Variants in UBR3 observed in about 807,000 individuals in gnomAD.
The protein encoded by UBR3 is E3 ubiquitin-protein ligase UBR3.
UBR3 carries 85 observed loss-of-function variants against 243.2 expected under a neutral mutation model. That is an observed-to-expected ratio of 0.35 (90% CI 0.29 to 0.42). The LOEUF is 0.42. UBR3 is among the 10% of genes least tolerant of loss of function. UBR3 has a pLI of 1.00. For synonymous variants in UBR3, 748 were observed against 799.8 expected (o/e 0.94, Z 1.09); for missense variants, 1,686 against 2,300.8 (o/e 0.73, Z 5.47).
chr2:170,011,640 T>TG (rs1472519247), intron 29 of UBR3, among the ~76,000 whole-genome samples: 42 of 150,508 alleles, frequency 2.8e-4, no homozygotes, highest in Admixed American at 4.6e-4. Flanking sequence ...TTTTTTTTTT[T>TG]TTTGTAAGAC....
intron 32 of UBR3, among the ~76,000 whole-genome samples, chr2:170,054,278 C>T (rs1160542285): frequency 6.6e-6 from 1 of 151,192 alleles, no homozygotes; most frequent in Non-Finnish European, 1.5e-5. Flanking sequence ...TGTCACCACA[C>T]CCAGCTTTTT....
intron 1 of UBR3, among the ~76,000 whole-genome samples, chr2:169,856,165 G>A (rs1290174120): frequency 2.7e-5 from 4 of 149,006 alleles, no homozygotes; most frequent in Non-Finnish European, 6.0e-5. Context: ...GGGTGGCGGC[G>A]GGGCAGAGAC....
chr2:169,856,360 G>A (rs1574056618), intron 1 of UBR3, among the ~76,000 whole-genome samples: 1 of 151,958 alleles, frequency 6.6e-6, no homozygotes, highest in East Asian at 1.9e-4. Flanking sequence ...TGGGCAGCCG[G>A]GCAGAGGGGC....
chr2:169,937,206 G>A (rs907974120), intron 19 of UBR3, among the ~76,000 whole-genome samples: 2 of 152,178 alleles, frequency 1.3e-5, no homozygotes, highest in Non-Finnish European at 2.9e-5. Flanking sequence ...ATTCTAACTG[G>A]TGTGAGATGG....
intron 24 of UBR3, among the ~76,000 whole-genome samples, chr2:169,986,028 T>G (rs997671149): frequency 6.6e-5 from 10 of 152,148 alleles, no homozygotes; most frequent in Admixed American, 1.3e-4. Flanking sequence ...ATATTTTATT[T>G]TTTGCTATTA....
chr2:169,891,406 T>G (rs2084369399), intron 6 of UBR3, among the ~76,000 whole-genome samples, 175 bp downstream of exon 6: 1 of 152,144 alleles, frequency 6.6e-6, no homozygotes, highest in Non-Finnish European at 1.5e-5. Flanking sequence ...CGATTACTAT[T>G]GGGTTTTGTT....
At chr2:170,041,552 AT>A (rs1272100706) in intron 32 of UBR3, among the ~76,000 whole-genome samples, 1 of 152,224 alleles carries the variant, frequency 6.6e-6, no homozygotes, top group Non-Finnish European at 1.5e-5. Context: ...ACATTATTAT[AT>A]TAACAGCATC....
At chr2:169,958,987 A>G (rs1467415399) in intron 24 of UBR3, among the ~76,000 whole-genome samples, 1 of 152,188 alleles carries the variant, frequency 6.6e-6, no homozygotes, top group East Asian at 1.9e-4. Flanking sequence ...AGAGGATACC[A>G]TGTTTCTGTA....
At chr2:169,930,172 C>T (rs928910546) in intron 18 of UBR3, among the ~76,000 whole-genome samples, 80 of 152,028 alleles carry the variant, frequency 5.3e-4, no homozygotes, top group African/African-American at 1.9e-3. Context: ...AATGCAGGCC[C>T]CTGTGTCTCA....
intron 5 of UBR3, among the ~76,000 whole-genome samples, chr2:169,879,693 T>C (rs2083748944): frequency 6.6e-6 from 1 of 152,226 alleles, no homozygotes; most frequent in Non-Finnish European, 1.5e-5. Context: ...AGTTAACATA[T>C]GTAAGCACTT....
chr2:169,970,242 T>TG (rs1017870477), intron 24 of UBR3, among the ~76,000 whole-genome samples: 1 of 149,938 alleles, frequency 6.7e-6, no homozygotes, highest in African/African-American at 2.4e-5. Context: ...TAGGTTTTTT[T>TG]TTTTTTTTTT....
chr2:169,839,334 A>T (rs1423139143), intron 1 of UBR3, among the ~76,000 whole-genome samples: 1 of 152,206 alleles, frequency 6.6e-6, no homozygotes, highest in Non-Finnish European at 1.5e-5. Context: ...TCATGAAGAT[A>T]AAGAGTAGAT....
chr2:169,827,884 C>T lies in UBR3; in HGVS notation c.377C>T (p.Ala126Val). 6.6e-7 allele frequency: 1 copy of T among 1,518,078 alleles called. No individual in the cohort carries two copies. The highest frequency in any genetic ancestry group is 8.8e-7 in the Non-Finnish European group (1 of 1,136,440). The allele number at this position is 1,518,078 out of a possible 1,614,324, so 94.0% of individuals were successfully genotyped here. Reference sequence around the variant, plus strand: ...GCGCTCTGCGGCCTGGTCTGGACAGCCAACTTCGTGGCCTACCGCTGCCGG... The same window carrying T: ...GCGCTCTGCGGCCTGGTCTGGACAGTCAACTTCGTGGCCTACCGCTGCCGG... ...PAALCGLVWTANFVAYRCRTC... is the reference protein window; with the variant it reads ...PAALCGLVWTVNFVAYRCRTC... Residue 126 changes from alanine to valine, a missense_variant, in exon 1 of 39, where the codon GCC becomes GTC. Ala to Val is a moderately conservative substitution (Grantham distance 64). Around this residue, in one of 8 missense-constraint regions of UBR3, gnomAD observed 145 missense variants for 243.8 expected, o/e 0.59. Coordinates refer to ENST00000272793, the MANE Select transcript of UBR3 (RefSeq NM_172070.4).
chr2:169,944,734 G>T (rs12989755), intron 20 of UBR3, among the ~76,000 whole-genome samples: 70,895 of 151,302 alleles, frequency 0.47, 18,475 homozygotes, highest in Non-Finnish European at 0.6. Flanking sequence ...CTTTAGCTCT[G>T]AAGTTACTCA....
rs554687959 is a variant in UBR3 at position 169,872,302 on chromosome 2, G to C, written c.612G>C (p.Met204Ile). ...CCTGTGTCCCTAAAGACTTACTGATGATGTCTGAATTTGTTCTTCCAAGAT... is the reference window on the plus strand; with the variant it reads ...CCTGTGTCCCTAAAGACTTACTGATCATGTCTGAATTTGTTCTTCCAAGAT... Reference protein sequence around the residue: ...NIPCVPKDLLMMSEFVLPRFI... With the variant: ...NIPCVPKDLLIMSEFVLPRFI... The change falls in exon 2 of 39, where the codon ATG becomes ATC. Residue 204 changes from methionine to isoleucine, a missense_variant. Physicochemically the swap from Met to Ile is conservative, Grantham distance 10. Transcript: ENST00000272793. 1.2e-5 allele frequency: 18 copies of C among 1,534,990 alleles called. No homozygotes were observed. The Admixed American group carries it at 3.6e-4, about 31-fold the overall frequency.
chr2:169,891,611 G>GACACACACACACACAC (rs202022960), intron 6 of UBR3, among the ~76,000 whole-genome samples: 72 of 82,304 alleles, frequency 8.7e-4, no homozygotes, highest in Middle Eastern at 0.012. Context: ...GAGAGAGACA[G>GACACACACACACACAC]AGACACACAC....
intron 32 of UBR3, among the ~76,000 whole-genome samples, chr2:170,043,112 T>C (rs1418889467): frequency 6.6e-6 from 1 of 152,198 alleles, no homozygotes; most frequent in Non-Finnish European, 1.5e-5. Context: ...GTCTTCAAAA[T>C]ATTTAAGTGT....
intron 18 of UBR3, among the ~76,000 whole-genome samples, chr2:169,929,569 C>A (rs1377573006): frequency 2.0e-5 from 3 of 151,818 alleles, no homozygotes; most frequent in Non-Finnish European, 2.9e-5. Flanking sequence ...AAGAGTGAAA[C>A]TCCATCTCAA....
Position 169,830,943 on chromosome 2 carries a change from A to G in UBR3, c.545+2891A>G, listed in dbSNP as rs1003596648. ...CTGATCGCTTGTGATGCTTCAGTGT[A>G]CTACCAGAAATATGTCAGTGAGTTT... On this transcript the variant is annotated intron_variant, in intron 1 of 38. Coordinates refer to ENST00000272793, the MANE Select transcript of UBR3 (RefSeq NM_172070.4). Among the ~76,000 whole-genome samples, 6 of 151,406 alleles carry G rather than the reference A, an allele frequency of 4.0e-5. No individual in the cohort carries two copies. In the South Asian group the frequency reaches 6.3e-4, roughly 16 times the overall value.
Sources: allele counts gnomAD v4.1 joint callset (sites outside exome capture counted in the v4.1 genomes callset), GRCh38; gene constraint gnomAD v4.1.1; regional missense constraint gnomAD v4.1.1; transcripts MANE v1.5; gene names NCBI Gene and HGNC (gene_info 2026-07-23, HGNC 2026-07-21).